CNTNAP2: variants seen among roughly 807,000 people sequenced by gnomAD.
CNTNAP2 encodes the protein contactin associated protein 2.
Under a neutral mutation model 155.2 loss-of-function variants are expected in CNTNAP2, and 98 were observed. That is an observed-to-expected ratio of 0.63 (90% CI 0.54 to 0.75). CNTNAP2 has a LOEUF of 0.75. Among genes scored for constraint, CNTNAP2 ranks in the 30% least tolerant of loss-of-function variants. The pLI is 0.00. For missense variants in CNTNAP2, 1,727 were observed against 1,688.1 expected, an observed-to-expected ratio of 1.02 and a Z score of -0.40; for synonymous variants, 651 against 631.2, an observed-to-expected ratio of 1.03 and a Z score of -0.47.
chr7:146,142,318 C>T (rs866502899), intron 1 of CNTNAP2, among the ~76,000 whole-genome samples: 7 of 152,194 alleles, frequency 4.6e-5, no homozygotes, highest in Non-Finnish European at 7.3e-5. Flanking sequence ...CTGTCTTTCA[C>T]AACTTCGTGG....
rs545995985 is a variant in CNTNAP2 at position 147,110,245 on chromosome 7, C to A, written c.754+1895C>A. On this transcript the variant is annotated intron_variant, in intron 5 of 23. Coordinates refer to ENST00000361727, the MANE Select transcript of CNTNAP2 (RefSeq NM_014141.6). ...TGTTGTTGTTTTTAAATGGACAAGA[C>A]CAATGTATGTTTGTATGTTGATGAT... Among the ~76,000 whole-genome samples the A allele has an allele frequency of 3.3e-5, 5 of 152,128 alleles. No individual in the cohort carries two copies. In the East Asian group the frequency reaches 9.7e-4, roughly 29 times the overall value.
rs181316525 is a variant in CNTNAP2, at chr7:147,043,413, G to T, written c.403-494G>T. ...TCCATTGAACAAATTCTCTAAATGT[G>T]TCTACTCCAATAAAAGGTAGAAAAC... On this transcript the variant is annotated intron_variant, in intron 3 of 23. Transcript: ENST00000361727. Among the ~76,000 whole-genome samples, 344 of 152,206 alleles carry T rather than the reference G, an allele frequency of 2.3e-3. 2 individuals are homozygous for T. Among genetic ancestry groups the T allele is most frequent in the African/African-American group, 7.8e-3 (324 of 41,538 alleles).
chr7:147,434,482 T>G (rs911980616), intron 10 of CNTNAP2, among the ~76,000 whole-genome samples: 15 of 152,222 alleles, frequency 9.9e-5, no homozygotes, highest in Admixed American at 7.2e-4. Context: ...TATAGAGAGA[T>G]AGAATTGTCT....
At position 146,701,395 on chromosome 7, in the gene CNTNAP2, G is replaced by T. The variant is rs367990519; in HGVS notation, c.98-72876G>T. 4.5e-4 allele frequency among the ~76,000 whole-genome samples: 68 copies of T among 151,860 alleles called. 1 individual carries two copies. Among genetic ancestry groups the T allele is most frequent in the African/African-American group, 1.5e-3 (63 of 41,404 alleles). On this transcript the variant is annotated intron_variant, in intron 1 of 23. Transcript: ENST00000361727. ...CCAGCAGAATCCTATTAGCATGTTTGTTCTGGGCCAATGCCCATACTCTAC... is the reference window on the plus strand; with the variant it reads ...CCAGCAGAATCCTATTAGCATGTTTTTTCTGGGCCAATGCCCATACTCTAC...
intron 13 of CNTNAP2, among the ~76,000 whole-genome samples, chr7:147,771,949 GCTAA>G (rs1399389067): frequency 6.6e-6 from 1 of 151,884 alleles, no homozygotes; most frequent in African/African-American, 2.4e-5. Context: ...CAGGTTGTAA[GCTAA>G]CTAATTTACC....
At chr7:146,879,391 G>A (rs747530962) in intron 3 of CNTNAP2, among the ~76,000 whole-genome samples, 1 of 151,972 alleles carries the variant, frequency 6.6e-6, no homozygotes, top group Admixed American at 6.6e-5. Context: ...TTATTTTAAT[G>A]TTACATTTGA....
intron 1 of CNTNAP2, among the ~76,000 whole-genome samples, chr7:146,380,411 T>C (rs1795364202): frequency 6.6e-6 from 1 of 152,184 alleles, no homozygotes; most frequent in South Asian, 2.1e-4. Flanking sequence ...TGATTTTTTT[T>C]CTCTAAAAGT....
rs182898883 is a variant in CNTNAP2, at chr7:147,399,230, C to T, written c.1670+3450C>T. 1.1e-4 allele frequency among the ~76,000 whole-genome samples: 16 copies of T among 152,202 alleles called. 1 individual carries two copies. In the East Asian group the frequency reaches 3.1e-3, roughly 29 times the overall value. The stretch of plus-strand genomic sequence containing the variant: ...GGTTATTGTCAGGGTGTGGCTTTTA[C>T]TTTGAATGAATACAGGAGCCATTTG... On this transcript the variant is annotated intron_variant, in intron 10 of 23. Coordinates refer to ENST00000361727, the MANE Select transcript of CNTNAP2 (RefSeq NM_014141.6).
intron 9 of CNTNAP2, among the ~76,000 whole-genome samples, chr7:147,320,356 C>T (rs899360294): frequency 5.3e-5 from 8 of 152,094 alleles, no homozygotes; most frequent in Non-Finnish European, 1.2e-4. Context: ...TCCAGTGCCC[C>T]CTCCCCTCAA....
intron 11 of CNTNAP2, among the ~76,000 whole-genome samples, chr7:147,533,030 G>T (rs1440660473): frequency 6.6e-6 from 1 of 151,912 alleles, no homozygotes; most frequent in African/African-American, 2.4e-5. Context: ...TTTCTCATAA[G>T]AACTCTGGGA....
intron 1 of CNTNAP2, among the ~76,000 whole-genome samples, chr7:146,207,093 T>A (rs1453953699): frequency 6.6e-6 from 1 of 151,904 alleles, no homozygotes; most frequent in Non-Finnish European, 1.5e-5. Context: ...CCAAGTGCCT[T>A]TGACAAAATC....
At chr7:147,176,346 G>A (rs1471779753) in intron 8 of CNTNAP2, among the ~76,000 whole-genome samples, 1 of 152,098 alleles carries the variant, frequency 6.6e-6, no homozygotes, top group Non-Finnish European at 1.5e-5. Context: ...ATTTCAAACA[G>A]TTTCCCTCTT....
chr7:147,500,905 A>T lies in CNTNAP2; in HGVS notation c.1777+14864A>T, dbSNP rs953999352. On this transcript the variant is annotated intron_variant, in intron 11 of 23. Coordinates refer to ENST00000361727, the MANE Select transcript of CNTNAP2 (RefSeq NM_014141.6). ...ATTTTATGAGTCCAGCATTACCCTGATACTGAATCCAGACTAGGAGACTAC... is the reference window on the plus strand; with the variant it reads ...ATTTTATGAGTCCAGCATTACCCTGTTACTGAATCCAGACTAGGAGACTAC... Among the ~76,000 whole-genome samples, 15 of 152,248 alleles carry T rather than the reference A, an allele frequency of 9.9e-5. 1 individual carries two copies. The highest frequency in any genetic ancestry group is 3.4e-3 in the Middle Eastern group (1 of 294).
intron 2 of CNTNAP2, among the ~76,000 whole-genome samples, chr7:146,816,169 C>T (rs1803166314): frequency 6.6e-6 from 1 of 152,122 alleles, no homozygotes; most frequent in African/African-American, 2.4e-5. Context: ...CATTGATAGA[C>T]ATTTGGGTTG....
rs913784561 is a variant in CNTNAP2, at chr7:146,967,594, G to C, written c.403-76313G>C. On this transcript the variant is annotated intron_variant, in intron 3 of 23. Coordinates refer to ENST00000361727, the MANE Select transcript of CNTNAP2 (RefSeq NM_014141.6). Reference sequence around the variant, plus strand: ...CAATTGTGAATGGGAGTTCACACATGATTTGGCTCTCTGTTTGTCTGCTAT... The same window carrying C: ...CAATTGTGAATGGGAGTTCACACATCATTTGGCTCTCTGTTTGTCTGCTAT... Among the ~76,000 whole-genome samples the C allele has an allele frequency of 3.9e-5, 6 of 152,182 alleles. No individual in the cohort carries two copies. The South Asian group carries it at 1.0e-3, about 26-fold the overall frequency.
chr7:147,899,999 C>T (rs1044799962), intron 13 of CNTNAP2, among the ~76,000 whole-genome samples: 5 of 152,176 alleles, frequency 3.3e-5, no homozygotes, highest in Non-Finnish European at 5.9e-5. Context: ...CTTTTCTTCC[C>T]GCCATTCACC....
intron 3 of CNTNAP2, among the ~76,000 whole-genome samples, chr7:147,016,872 A>C (rs1798733677): frequency 1.3e-5 from 2 of 152,072 alleles, no homozygotes; most frequent in Non-Finnish European, 2.9e-5. Flanking sequence ...CACTGTGCAC[A>C]GAAAGACAGG....
chr7:147,588,140 A>AT (rs1028461095), intron 12 of CNTNAP2, among the ~76,000 whole-genome samples: 1 of 152,006 alleles, frequency 6.6e-6, no homozygotes, highest in Admixed American at 6.6e-5. Context: ...TAAATTATGA[A>AT]TTTTTTTTGT....
intron 13 of CNTNAP2, among the ~76,000 whole-genome samples, chr7:147,860,897 C>A (rs1434743764): frequency 6.6e-6 from 1 of 152,176 alleles, no homozygotes; most frequent in South Asian, 2.1e-4. Context: ...ATCAAACTAT[C>A]TTTAAGATGA....
Sources: allele counts gnomAD v4.1 joint callset (sites outside exome capture counted in the v4.1 genomes callset), GRCh38; gene constraint gnomAD v4.1.1; transcripts MANE v1.5; gene names NCBI Gene and HGNC (gene_info 2026-07-23, HGNC 2026-07-21).